Variants in PRKG2 observed in about 807,000 individuals in gnomAD.
PRKG2 encodes cGMP-dependent protein kinase 2.
In PRKG2, 33 loss-of-function variants were observed where a neutral mutation model predicts 97.2. That is an observed-to-expected ratio of 0.34 (90% CI 0.26 to 0.45). The LOEUF (loss-of-function observed/expected upper bound fraction) is 0.45. PRKG2 is among the 20% of genes least tolerant of loss of function. The pLI, the probability that PRKG2 is intolerant of heterozygous loss-of-function variation, is 1.00. For missense variants in PRKG2, 638 were observed against 900.0 expected, an observed-to-expected ratio of 0.71 and a Z score of 3.73; for synonymous variants, 330 against 321.8, an observed-to-expected ratio of 1.03 and a Z score of -0.27.
chr4:81,176,037 G>A (rs948336772), intron 2 of PRKG2: 1 of 151,962 alleles, frequency 6.6e-6, no homozygotes, highest in African/African-American at 2.4e-5. Flanking sequence ...TCAAACAAAA[G>A]GTAAGACTTC....
intron 14 of PRKG2, among the ~76,000 whole-genome samples, chr4:81,116,985 CTTTTTTTTTTTT>C (rs58361616): frequency 2.5e-5 from 2 of 78,990 alleles, no homozygotes; most frequent in East Asian, 4.7e-4. Context: ...CCTGTTGTTA[CTTTTTTTTTTTT>C]TTTTTTTTTT....
At chr4:81,172,014 T>C (rs1465290596) in intron 3 of PRKG2, among the ~76,000 whole-genome samples, 1 of 151,850 alleles carries the variant, frequency 6.6e-6, no homozygotes, top group Non-Finnish European at 1.5e-5. Flanking sequence ...ACTTACGCTA[T>C]CTGTCTGAAG....
chr4:81,200,504 G>A (rs974638666), intron 2 of PRKG2, among the ~76,000 whole-genome samples: 9 of 152,182 alleles, frequency 5.9e-5, no homozygotes, highest in African/African-American at 2.2e-4. Flanking sequence ...GGGGCACACT[G>A]TAATAAGGCA....
chr4:81,124,236 C>T (rs1180312437), intron 14 of PRKG2, among the ~76,000 whole-genome samples: 1 of 152,178 alleles, frequency 6.6e-6, no homozygotes, highest in Admixed American at 6.5e-5. Flanking sequence ...AATTCTACTG[C>T]ATTCTAGCTT....
chr4:81,150,698 A>G lies in PRKG2; in HGVS notation c.1085+1262T>C, dbSNP rs527474856. 3.5e-3 allele frequency among the ~76,000 whole-genome samples: 538 copies of G among 152,246 alleles called. 2 individuals carry two copies. Among genetic ancestry groups the G allele is most frequent in the Non-Finnish European group, 6.2e-3 (419 of 67,984 alleles). ...TTCTTTCAAGAGCTATTTTGACTCT[A>G]TACTGCATTTATAAAGTGCTGTGCA... is the stretch of plus-strand genomic sequence containing the variant. On this transcript the variant is annotated intron_variant, in intron 8 of 18. Coordinates refer to ENST00000264399, the MANE Select transcript of PRKG2 (RefSeq NM_006259.3).
intron 1 of PRKG2, among the ~76,000 whole-genome samples, chr4:81,205,309 A>G (rs1354965641): frequency 6.6e-6 from 1 of 152,016 alleles, no homozygotes; most frequent in African/African-American, 2.4e-5. Context: ...TAAGTATCAC[A>G]CCTAACATTT....
chr4:81,172,519 T>C (rs1750574771), intron 3 of PRKG2, among the ~76,000 whole-genome samples: 1 of 152,052 alleles, frequency 6.6e-6, no homozygotes. Context: ...CTAAGAAGAG[T>C]GTTTGGCACT....
At chr4:81,100,413 A>G (rs1474853579) in intron 17 of PRKG2, among the ~76,000 whole-genome samples, 2 of 152,196 alleles carry the variant, frequency 1.3e-5, no homozygotes. Context: ...AATGCCGCAC[A>G]TCTACAACCA....
At chr4:81,204,497 T>C in intron 2 of PRKG2, 90 bp downstream of exon 2, 1 of 1,363,062 alleles carries the variant, frequency 7.3e-7, no homozygotes, top group Admixed American at 2.2e-5. Context: ...GTCAATATGT[T>C]CTTTATCATT....
chr4:81,202,171 C>A (rs907247173), intron 2 of PRKG2, among the ~76,000 whole-genome samples: 5 of 152,044 alleles, frequency 3.3e-5, no homozygotes, highest in Admixed American at 2.0e-4. Flanking sequence ...TTGTTTCTTA[C>A]AAATTTTTGA....
Position 81,116,700 on chromosome 4 carries a change from G to A in PRKG2, c.1777-6089C>T, listed in dbSNP as rs370507091. Among the ~76,000 whole-genome samples the A allele has an allele frequency of 1.1e-4, 16 of 152,130 alleles. No individual in the cohort carries two copies. The South Asian group carries it at 3.3e-3, about 32-fold the overall frequency. On this transcript the variant is annotated intron_variant, in intron 14 of 18. Coordinates refer to ENST00000264399, the MANE Select transcript of PRKG2 (RefSeq NM_006259.3). ...GTATGTTATTTTTTGATTTTGTAATGTTAGCCATTATGACTGGTGTGAGAT... is the reference window on the plus strand; with the variant it reads ...GTATGTTATTTTTTGATTTTGTAATATTAGCCATTATGACTGGTGTGAGAT...
At chr4:81,122,392 C>T (rs550652738) in intron 14 of PRKG2, among the ~76,000 whole-genome samples, 24 of 152,202 alleles carry the variant, frequency 1.6e-4, no homozygotes, top group Non-Finnish European at 2.8e-4. Flanking sequence ...CTTTAATCTC[C>T]ACTCAGTGTG....
At chr4:81,143,317 T>C (rs1309320229) in intron 10 of PRKG2, among the ~76,000 whole-genome samples, 1 of 152,098 alleles carries the variant, frequency 6.6e-6, no homozygotes, top group Non-Finnish European at 1.5e-5. Context: ...AAAACAACCA[T>C]GAAAAGCAGT....
At chr4:81,151,835 A>T (rs1748431452) in intron 8 of PRKG2, 125 bp downstream of exon 8, 1 of 702,338 alleles carries the variant, frequency 1.4e-6, no homozygotes, top group African/African-American at 1.9e-5. Flanking sequence ...TCACTTCAAA[A>T]TATTTAATAT....
At chr4:81,201,956 T>C (rs935180028) in intron 2 of PRKG2, among the ~76,000 whole-genome samples, 6 of 152,144 alleles carry the variant, frequency 3.9e-5, no homozygotes, top group Admixed American at 2.0e-4. Context: ...AGCCATAAAT[T>C]CAGCCAGGAT....
At chr4:81,149,219 A>G (rs1369732350) in intron 8 of PRKG2, among the ~76,000 whole-genome samples, 2 of 152,150 alleles carry the variant, frequency 1.3e-5, no homozygotes, top group Admixed American at 6.6e-5. Flanking sequence ...ATGTTTATGG[A>G]ATCTCATTCT....
At chr4:81,136,701 T>A (rs1247185766) in intron 13 of PRKG2, among the ~76,000 whole-genome samples, 1 of 152,190 alleles carries the variant, frequency 6.6e-6, no homozygotes, top group East Asian at 1.9e-4. Flanking sequence ...TCCTCGGAGC[T>A]CACCATCTAC....
chr4:81,095,367 T>C (rs904732359), intron 17 of PRKG2, among the ~76,000 whole-genome samples: 2 of 152,202 alleles, frequency 1.3e-5, no homozygotes, highest in African/African-American at 2.4e-5. Context: ...CTTTTTTGCA[T>C]AGACTGAGCC....
At chr4:81,140,127 T>C (rs948801635) in intron 12 of PRKG2, among the ~76,000 whole-genome samples, 3 of 151,986 alleles carry the variant, frequency 2.0e-5, no homozygotes, top group Admixed American at 2.0e-4. Context: ...AGATAGAGAA[T>C]AGAGGAGTGG....
Sources: gnomAD v4.1 joint callset for allele counts (sites outside exome capture counted in the v4.1 genomes callset) on GRCh38, gnomAD v4.1.1 for gene constraint, MANE v1.5 for transcripts, NCBI Gene and HGNC (gene_info 2026-07-23, HGNC 2026-07-21) for gene names.